The following GLG1 variants were observed in gnomAD, a reference collection of about 807,000 sequenced individuals.
GLG1 encodes the protein golgi glycoprotein 1.
A neutral mutation model predicts 160.5 loss-of-function variants in GLG1; 38 were observed. The observed-to-expected ratio is 0.24, with a 90% CI of 0.18 to 0.31. GLG1 has a LOEUF of 0.31. Ranked by LOEUF, GLG1 falls within the 10% of genes least tolerant of loss-of-function variation. GLG1 has a pLI of 1.00. For synonymous variants in GLG1, 644 were observed against 543.4 expected (o/e 1.19, Z -2.57); for missense variants, 1,373 against 1,505.2 (o/e 0.91, Z 1.45).
At chr16:74,552,926 A>T (rs1245910237) in intron 1 of GLG1, among the ~76,000 whole-genome samples, 1 of 152,068 alleles carries the variant, frequency 6.6e-6, no homozygotes, top group Non-Finnish European at 1.5e-5. Flanking sequence ...TTTTAAAAAA[A>T]ACTTGTTTTT....
intron 4 of GLG1, among the ~76,000 whole-genome samples, chr16:74,497,539 T>G (rs2016242046): frequency 6.9e-6 from 1 of 145,978 alleles, no homozygotes; most frequent in East Asian, 2.2e-4. Context: ...CCGGGTTCAC[T>G]CTATTCTCCT....
At chr16:74,559,548 T>C (rs1277894350) in intron 1 of GLG1, among the ~76,000 whole-genome samples, 1 of 152,268 alleles carries the variant, frequency 6.6e-6, no homozygotes, top group Admixed American at 6.5e-5. Context: ...TCCTCTGTCC[T>C]CTTTAGGCCA....
At chr16:74,480,146 T>G in intron 11 of GLG1, 95 bp downstream of exon 11, 1 of 1,044,368 alleles carries the variant, frequency 9.6e-7, no homozygotes. Flanking sequence ...GTCTAAAAAG[T>G]TTTCCTAATA....
At chr16:74,564,295 T>A (rs1567526534) in intron 1 of GLG1, among the ~76,000 whole-genome samples, 1 of 152,204 alleles carries the variant, frequency 6.6e-6, no homozygotes, top group African/African-American at 2.4e-5. Flanking sequence ...ATTAATGAAC[T>A]GGCTGCTTGG....
rs558545185 is a variant in GLG1 at position 74,575,793 on chromosome 16, A to G, written c.438+30864T>C. 7.9e-5 allele frequency among the ~76,000 whole-genome samples: 12 copies of G among 152,334 alleles called. No homozygotes were observed. The East Asian group carries it at 1.7e-3, about 22-fold the overall frequency. On this transcript the variant is annotated intron_variant, in intron 1 of 25. Transcript: ENST00000422840. ...TGAGAAAATATTGATTTCATAGAGA[A>G]GTGGCAATATATTCAAATTCATCAC...
At chr16:74,478,873 A>T (rs1441316156) in intron 11 of GLG1, among the ~76,000 whole-genome samples, 1 of 128,972 alleles carries the variant, frequency 7.8e-6, no homozygotes, top group African/African-American at 3.0e-5. Context: ...AGCCTGGGCC[A>T]ACAAGAGTGA....
chr16:74,588,057 T>C (rs1230945229), intron 1 of GLG1, among the ~76,000 whole-genome samples: 1 of 149,852 alleles, frequency 6.7e-6, no homozygotes, highest in Non-Finnish European at 1.5e-5. Flanking sequence ...AGATCAGCAA[T>C]AGCAATTATC....
At chr16:74,524,227 A>T (rs1297299131) in intron 2 of GLG1, among the ~76,000 whole-genome samples, 5 of 151,924 alleles carry the variant, frequency 3.3e-5, no homozygotes, top group African/African-American at 7.3e-5. Context: ...AAAAAAGAAT[A>T]AAAAAAATGA....
intron 8 of GLG1, among the ~76,000 whole-genome samples, chr16:74,487,768 A>C (rs1364578148): frequency 6.6e-6 from 1 of 152,184 alleles, no homozygotes; most frequent in Non-Finnish European, 1.5e-5. Flanking sequence ...CAATACATGC[A>C]CTAGACTGCA....
At chr16:74,482,334 T>C (rs1484676283) in intron 10 of GLG1, among the ~76,000 whole-genome samples, 3 of 152,132 alleles carry the variant, frequency 2.0e-5, no homozygotes, top group Admixed American at 1.3e-4. Flanking sequence ...TACCACACCA[T>C]GGTGGCTTAA....
rs1156796175 is a variant in GLG1 at position 74,515,931 on chromosome 16, A to G, written c.472-7006T>C. Among the ~76,000 whole-genome samples the G allele has an allele frequency of 2.0e-5, 3 of 150,978 alleles. No individual in the cohort carries two copies. In the South Asian group the frequency reaches 6.3e-4, roughly 32 times the overall value. The stretch of plus-strand genomic sequence containing the variant: ...CTGATAAAACAGACTCTAAACCTAA[A>G]CCAACAAAGATCAAAAGAGACAAAG... On this transcript the variant is annotated intron_variant, in intron 2 of 25. Coordinates refer to ENST00000422840, the MANE Select transcript of GLG1 (RefSeq NM_001145667.2).
Position 74,473,295 on chromosome 16 carries a change from C to G in GLG1, c.2053-884G>C, listed in dbSNP as rs575070929. Among the ~76,000 whole-genome samples the G allele has an allele frequency of 2.0e-4, 31 of 151,954 alleles. 2 individuals carry two copies. In the South Asian group the frequency reaches 4.0e-3, roughly 19 times the overall value. On this transcript the variant is annotated intron_variant, in intron 13 of 25. Coordinates refer to ENST00000422840, the MANE Select transcript of GLG1 (RefSeq NM_001145667.2). ...ATGGTGCAATCTCGGCTCACTGCAACCTCCGCCTCCCGGGTTCAAGTGATC... is the reference window on the plus strand; with the variant it reads ...ATGGTGCAATCTCGGCTCACTGCAAGCTCCGCCTCCCGGGTTCAAGTGATC...
chr16:74,511,189 A>G (rs547217488), intron 2 of GLG1, among the ~76,000 whole-genome samples: 2 of 152,344 alleles, frequency 1.3e-5, no homozygotes, highest in African/African-American at 2.4e-5. Flanking sequence ...TTAGAAGGAC[A>G]GAGGCATATA....
chr16:74,494,796 G>A lies in GLG1; in HGVS notation c.1014C>T (p.Leu338=). The A allele has an allele frequency of 6.7e-7, 1 of 1,502,134 alleles. No homozygotes were observed. The highest frequency in any genetic ancestry group is 9.3e-7 in the Non-Finnish European group (1 of 1,078,342). 93.1% of individuals were successfully genotyped at this position (1,502,134 alleles called of 1,614,324 possible). ...TGGATTCTTCAAATTTATGGTTAAA[G>A]AGGCACTTATACACTCTGCCCTCAC... ...QAGEGRVYKC[L]FNHKFEESMS... The change falls in exon 6 of 26, where the codon CTC becomes CTT. Residue 338 remains leucine (L), a synonymous_variant. Coordinates refer to ENST00000422840, the MANE Select transcript of GLG1 (RefSeq NM_001145667.2).
At chr16:74,564,631 C>T (rs2018599618) in intron 1 of GLG1, among the ~76,000 whole-genome samples, 1 of 152,098 alleles carries the variant, frequency 6.6e-6, no homozygotes, top group Admixed American at 6.5e-5. Flanking sequence ...AGCACTAAAG[C>T]CCTAAGTTTC....
intron 1 of GLG1, among the ~76,000 whole-genome samples, chr16:74,561,560 T>A (rs1212268575): frequency 2.0e-5 from 3 of 152,070 alleles, no homozygotes; most frequent in Non-Finnish European, 4.4e-5. Flanking sequence ...AGGACAAAAA[T>A]TAACTGAATA....
intron 1 of GLG1, among the ~76,000 whole-genome samples, chr16:74,546,298 GTGTGGTGGCA>G (rs2018044056): frequency 6.6e-6 from 1 of 152,136 alleles, no homozygotes; most frequent in Non-Finnish European, 1.5e-5. Flanking sequence ...AGTTAGCCAG[GTGTGGTGGCA>G]TGTGCCTGTA....
intron 7 of GLG1, 79 bp from the exon 8 acceptor site, chr16:74,491,294 A>G: frequency 1.0e-6 from 1 of 983,958 alleles, no homozygotes. Context: ...TATTAAAAGT[A>G]CATATTTCTA....
chr16:74,604,412 G>A (rs1243625503), intron 1 of GLG1, among the ~76,000 whole-genome samples: 1 of 152,150 alleles, frequency 6.6e-6, no homozygotes, highest in East Asian at 1.9e-4. Context: ...AGGTACTTGA[G>A]CGTCCTTGGA....
Sources: gnomAD v4.1 joint callset for allele counts (sites outside exome capture counted in the v4.1 genomes callset) on GRCh38, gnomAD v4.1.1 for gene constraint, MANE v1.5 for transcripts, NCBI Gene and HGNC (gene_info 2026-07-23, HGNC 2026-07-21) for gene names.